Variants in KIAA0586 observed in about 807,000 individuals in gnomAD.
The protein encoded by KIAA0586 is KIAA0586, also known as protein TALPID3.
In KIAA0586, 144 loss-of-function variants were observed where a neutral mutation model predicts 169.8. The ratio of observed to expected loss-of-function variants is 0.85; its 90% CI spans 0.74 to 0.97. KIAA0586 has a LOEUF of 0.97. Ranked by LOEUF, KIAA0586 falls within the 50% of genes least tolerant of loss-of-function variation. The pLI, the probability that KIAA0586 is intolerant of heterozygous loss-of-function variation, is 0.00. For missense variants in KIAA0586, 1,854 were observed against 1,823.0 expected (o/e 1.02, Z -0.31); for synonymous variants, 625 against 612.4 (o/e 1.02, Z -0.30).
intron 24 of KIAA0586, among the ~76,000 whole-genome samples, chr14:58,489,079 A>G (rs2042661961): frequency 6.6e-6 from 1 of 152,156 alleles, no homozygotes; most frequent in Admixed American, 6.5e-5. Flanking sequence ...ACCCTCCAGA[A>G]ATAATATCAC....
the KIAA0586 span, among the ~76,000 whole-genome samples, chr14:58,558,020 C>T: frequency 6.9e-6 from 1 of 145,776 alleles, no homozygotes; most frequent in African/African-American, 2.5e-5. Flanking sequence ...AGCAATTCTC[C>T]CACCTCATCC....
chr14:58,483,536 T>C (rs2042176264), intron 21 of KIAA0586, among the ~76,000 whole-genome samples: 1 of 152,134 alleles, frequency 6.6e-6, no homozygotes, highest in African/African-American at 2.4e-5. Flanking sequence ...TATTTAGATT[T>C]CCTTAATTGT....
At position 58,457,343 on chromosome 14, in the gene KIAA0586, A is replaced by G. The variant is rs184330836; in HGVS notation, c.1363-416A>G. 1.7e-3 allele frequency among the ~76,000 whole-genome samples: 259 copies of G among 152,120 alleles called. 3 individuals carry two copies. The highest frequency in any genetic ancestry group is 6.1e-3 in the African/African-American group (255 of 41,506). ...GAGTGCAAGGGTGCAATCTCGGCTT[A>G]CTGCAACCTCCACCTCCCGGTTCAA... On this transcript the variant is annotated intron_variant, in intron 10 of 30. Transcript: ENST00000652326.
intron 4 of KIAA0586, chr14:58,433,316 C>T (rs184313793): frequency 1.3e-5 from 2 of 152,356 alleles, no homozygotes; most frequent in Admixed American, 1.3e-4. Flanking sequence ...ATCCGCCCAC[C>T]TTGGTCTCCC....
chr14:58,456,726 A>G lies in KIAA0586; in HGVS notation c.1278A>G (p.Glu426=). The G allele has an allele frequency of 6.2e-7, 1 of 1,603,772 alleles. No homozygotes were observed. The highest frequency in any genetic ancestry group is 8.5e-7 in the Non-Finnish European group (1 of 1,174,244). ...TNRFPSCEEL[E]TTKVTMQKSD... is the part of the protein sequence containing the mutation. ...GATTTCCTTCCTGTGAAGAGCTAGA[A>G]ACAACTAAAGTGACTATGCAGAAGT... is the stretch of plus-strand genomic sequence containing the variant. The change falls in exon 10 of 31, where the codon GAA becomes GAG. Residue 426 remains glutamate, a synonymous_variant. Transcript: ENST00000652326.
intron 8 of KIAA0586, among the ~76,000 whole-genome samples, chr14:58,452,469 G>A (rs2039468638): frequency 6.6e-6 from 1 of 151,962 alleles, no homozygotes; most frequent in African/African-American, 2.4e-5. Context: ...AATAAAGAAG[G>A]CAACCTCACA....
intron 29 of KIAA0586, among the ~76,000 whole-genome samples, chr14:58,522,839 G>T (rs1391840574): frequency 6.6e-6 from 1 of 152,118 alleles, no homozygotes; most frequent in Admixed American, 6.5e-5. Flanking sequence ...AGGTCAACTT[G>T]CAGATTGTTT....
At position 58,488,077 on chromosome 14, in the gene KIAA0586, C is replaced by T. The variant is rs1342953702; in HGVS notation, c.3495C>T (p.Asn1165=). 1 of 1,606,784 alleles carries T rather than the reference C, an allele frequency of 6.2e-7. No homozygotes were observed. Among genetic ancestry groups the T allele is most frequent in the Admixed American group, 1.7e-5 (1 of 58,770 alleles). ...GDLPLEEENP[N]SPQEELHPRA... is the part of the protein sequence containing the mutation. ...TGCCACTGGAAGAAGAGAACCCTAA[C>T]TCACCTCAAGAAGAACTTCATCCAA... The change falls in exon 23 of 31, where the codon AAC becomes AAT. Residue 1165 remains asparagine (N), a synonymous_variant. Transcript: ENST00000652326.
chr14:58,450,542 A>C (rs189687187), intron 7 of KIAA0586, 37 bp from the exon 8 acceptor site: 2 of 1,296,934 alleles, frequency 1.5e-6, no homozygotes, highest in Non-Finnish European at 2.2e-6. Flanking sequence ...AAGCTTTTTA[A>C]AAGCAAGTTA....
intron 9 of KIAA0586, among the ~76,000 whole-genome samples, chr14:58,454,739 CT>C (rs1368785471): frequency 6.6e-6 from 1 of 152,146 alleles, no homozygotes; most frequent in African/African-American, 2.4e-5. Flanking sequence ...GGGTTGGTTT[CT>C]TTTGAGGCCT....
chr14:58,551,305 A>G (rs1267161952), downstream of KIAA0586: 6 of 152,204 alleles, frequency 3.9e-5, no homozygotes, highest in African/African-American at 7.2e-5. Context: ...TTATTTCAAT[A>G]TGTTTCTTAT....
At chr14:58,443,724 A>T (rs1011559433) in intron 5 of KIAA0586, among the ~76,000 whole-genome samples, 5 of 151,184 alleles carry the variant, frequency 3.3e-5, no homozygotes, top group African/African-American at 1.2e-4. Flanking sequence ...CGCCTGGCCA[A>T]TTTTTTTTTC....
At chr14:58,474,886 C>A in intron 19 of KIAA0586, 89 bp downstream of exon 19, 1 of 990,848 alleles carries the variant, frequency 1.0e-6, no homozygotes, top group Non-Finnish European at 1.4e-6. Flanking sequence ...TATTCCTTGT[C>A]TTCTTTTGTT....
intron 20 of KIAA0586, among the ~76,000 whole-genome samples, chr14:58,478,365 T>C (rs138896723): frequency 3.9e-5 from 6 of 152,222 alleles, no homozygotes; most frequent in Middle Eastern, 3.4e-3. Context: ...CACTTGTAAT[T>C]GCAGCTACTC....
At chr14:58,492,400 C>A in intron 26 of KIAA0586, 125 bp downstream of exon 26, 1 of 684,204 alleles carries the variant, frequency 1.5e-6, no homozygotes, top group Non-Finnish European at 2.3e-6. Context: ...GTTACAGCAA[C>A]TTTAACTTGG....
intron 10 of KIAA0586, among the ~76,000 whole-genome samples, chr14:58,457,202 G>T (rs902921942): frequency 6.6e-6 from 1 of 152,142 alleles, no homozygotes; most frequent in African/African-American, 2.4e-5. Context: ...GCTATTATTG[G>T]TCGCTGGACT....
intron 1 of KIAA0586, 81 bp from the exon 2 acceptor site, chr14:58,429,282 A>G (rs1303385326): frequency 6.2e-6 from 5 of 811,508 alleles, no homozygotes; most frequent in South Asian, 3.0e-5. Context: ...GAGTTTATAG[A>G]TCTTGAATCA....
At chr14:58,499,694 G>A (rs548169709) in intron 27 of KIAA0586, among the ~76,000 whole-genome samples, 4 of 152,164 alleles carry the variant, frequency 2.6e-5, no homozygotes, top group African/African-American at 9.6e-5. Flanking sequence ...GAGTAGCTGG[G>A]ATTACAGGCG....
chr14:58,461,110 C>T lies in KIAA0586; in HGVS notation c.2009C>T (p.Pro670Leu), dbSNP rs2040286895. 1 of 1,610,690 alleles carries T rather than the reference C, an allele frequency of 6.2e-7. No individual in the cohort carries two copies. ...KKGPYLRFNS[P>L]SPKSRPQRPK... ...GGACCATATCTCAGATTTAATTCTC[C>T]ATCTCCTAAGTCCAGACCACAGAGA... The change falls in exon 14 of 31, where the codon CCA becomes CTA. Residue 670 changes from proline to leucine, a missense_variant. Coordinates refer to ENST00000652326, the MANE Select transcript of KIAA0586 (RefSeq NM_001329943.3).
Sources: gnomAD v4.1 joint callset for allele counts (sites outside exome capture counted in the v4.1 genomes callset) on GRCh38, gnomAD v4.1.1 for gene constraint, MANE v1.5 for transcripts, NCBI Gene and HGNC (gene_info 2026-07-23, HGNC 2026-07-21) for gene names.